The following SUPT3H variants were observed in gnomAD, a reference collection of about 807,000 sequenced individuals.
The protein encoded by SUPT3H is transcription initiation protein SPT3 homolog.
In SUPT3H, 44 loss-of-function variants were observed where a neutral mutation model predicts 44.3. That is an observed-to-expected ratio of 0.99 (90% CI 0.78 to 1.28). The LOEUF (loss-of-function observed/expected upper bound fraction) is 1.28, where lower values mean the gene tolerates loss of function less well. Ranked by LOEUF, SUPT3H falls within the 50% of genes most tolerant of loss-of-function variation. SUPT3H has a pLI of 0.00. For missense variants in SUPT3H, 380 were observed against 387.1 expected, an observed-to-expected ratio of 0.98 and a Z score of 0.15; for synonymous variants, 124 against 125.6, an observed-to-expected ratio of 0.99 and a Z score of 0.09.
intron 2 of SUPT3H, among the ~76,000 whole-genome samples, chr6:45,194,095 G>A (rs1036885454): frequency 4.7e-4 from 72 of 151,948 alleles, no homozygotes; most frequent in Non-Finnish European, 6.0e-4. Context: ...CCTTTACACG[G>A]TCTATGTGGT....
rs1767912440 is a variant in SUPT3H at position 44,827,644 on chromosome 6, A to T, written c.*2172T>A. Among the ~76,000 whole-genome samples the T allele has an allele frequency of 6.6e-6, 1 of 152,144 alleles. No individual in the cohort carries two copies. Among genetic ancestry groups the T allele is most frequent in the South Asian group, 2.1e-4 (1 of 4,834 alleles). ...TCTGTAAATTTTCTTTTGTTTCTATAGTCACTGCTGAAGGAAGTTTTATTT... is the reference window on the plus strand; with the variant it reads ...TCTGTAAATTTTCTTTTGTTTCTATTGTCACTGCTGAAGGAAGTTTTATTT... On this transcript the variant is annotated 3_prime_UTR_variant, in exon 11 of 11. Coordinates refer to ENST00000371459, the MANE Select transcript of SUPT3H (RefSeq NM_003599.4).
chr6:45,298,133 A>C (rs895489219), intron 2 of SUPT3H, among the ~76,000 whole-genome samples: 3 of 152,200 alleles, frequency 2.0e-5, no homozygotes, highest in Non-Finnish European at 4.4e-5. Context: ...TTTTATGAAG[A>C]GTTAGGACTT....
At chr6:45,155,555 G>C (rs1807680282) in intron 2 of SUPT3H, among the ~76,000 whole-genome samples, 2 of 152,090 alleles carry the variant, frequency 1.3e-5, no homozygotes, top group Admixed American at 1.3e-4. Context: ...TTAGTTTCAA[G>C]GAAGGGACTA....
intron 2 of SUPT3H, among the ~76,000 whole-genome samples, chr6:45,150,884 G>A (rs368333049): frequency 5.9e-5 from 9 of 151,898 alleles, no homozygotes; most frequent in East Asian, 5.8e-4. Flanking sequence ...CACCATGCCC[G>A]GCTAGTTTTT....
intron 2 of SUPT3H, among the ~76,000 whole-genome samples, chr6:45,188,534 G>T (rs955694166): frequency 6.6e-6 from 1 of 152,136 alleles, no homozygotes; most frequent in Non-Finnish European, 1.5e-5. Context: ...TCCACTGGGG[G>T]TCTTGGAATG....
intron 2 of SUPT3H, among the ~76,000 whole-genome samples, chr6:45,330,092 G>A (rs1196499093): frequency 1.3e-5 from 2 of 151,656 alleles, no homozygotes; most frequent in Non-Finnish European, 2.9e-5. Flanking sequence ...CTCTTACAGG[G>A]TGAGGAAATG....
At chr6:44,938,704 A>T (rs922629955) in intron 9 of SUPT3H, among the ~76,000 whole-genome samples, 1 of 152,170 alleles carries the variant, frequency 6.6e-6, no homozygotes, top group Non-Finnish European at 1.5e-5. Context: ...CTGATCCATA[A>T]GCATGGGATG....
At chr6:45,340,953 T>C (rs1430106397) in intron 2 of SUPT3H, among the ~76,000 whole-genome samples, 4 of 152,130 alleles carry the variant, frequency 2.6e-5, no homozygotes, top group Admixed American at 6.6e-5. Context: ...CCTACACATA[T>C]GCTAAGTGAT....
At chr6:45,063,777 T>C (rs1792674658) in intron 3 of SUPT3H, among the ~76,000 whole-genome samples, 1 of 141,010 alleles carries the variant, frequency 7.1e-6, no homozygotes, top group Admixed American at 7.3e-5. Flanking sequence ...TAAAAAGAAA[T>C]GAGCAAAGCC....
At chr6:45,291,591 T>A (rs1175577280) in intron 2 of SUPT3H, among the ~76,000 whole-genome samples, 1 of 152,004 alleles carries the variant, frequency 6.6e-6, no homozygotes, top group African/African-American at 2.4e-5. Context: ...GGAAACAGTA[T>A]AAATAAAAAA....
At chr6:45,183,053 A>G (rs1813563493) in intron 2 of SUPT3H, among the ~76,000 whole-genome samples, 1 of 152,230 alleles carries the variant, frequency 6.6e-6, no homozygotes, top group Non-Finnish European at 1.5e-5. Flanking sequence ...CACAATAAAT[A>G]GCCAAAAGGT....
chr6:45,180,641 G>T (rs1172004603), intron 2 of SUPT3H, among the ~76,000 whole-genome samples: 1 of 152,042 alleles, frequency 6.6e-6, no homozygotes, highest in African/African-American at 2.4e-5. Context: ...TTAATAAACG[G>T]TGCTGGGAAA....
At chr6:44,819,000 C>T (rs564684178) in intron 11 of SUPT3H, among the ~76,000 whole-genome samples, 1 of 152,270 alleles carries the variant, frequency 6.6e-6, no homozygotes, top group East Asian at 1.9e-4. Flanking sequence ...CACGTGAGTC[C>T]ACACAAAGAT....
chr6:45,007,735 C>CA (rs1491336900), intron 5 of SUPT3H, among the ~76,000 whole-genome samples: 2 of 149,524 alleles, frequency 1.3e-5, no homozygotes. Context: ...TATTCCCCCC[C>CA]ACTTTTTTTT....
chr6:45,266,430 G>A (rs1414801509), intron 2 of SUPT3H, among the ~76,000 whole-genome samples: 1 of 151,714 alleles, frequency 6.6e-6, no homozygotes, highest in African/African-American at 2.4e-5. Context: ...ATATACCATG[G>A]AAAACTCAGT....
chr6:45,336,714 G>A (rs1788631350), intron 2 of SUPT3H, among the ~76,000 whole-genome samples: 1 of 151,024 alleles, frequency 6.6e-6, no homozygotes, highest in Admixed American at 6.6e-5. Flanking sequence ...TTTTAATAAA[G>A]TATTTACTTA....
chr6:45,373,785 T>C (rs1428991004), intron 1 of SUPT3H, among the ~76,000 whole-genome samples: 2 of 152,054 alleles, frequency 1.3e-5, no homozygotes, highest in Non-Finnish European at 2.9e-5. Context: ...ACTCCTGACA[T>C]CAAGTGATCC....
At chr6:45,191,373 T>C (rs1815103590) in intron 2 of SUPT3H, among the ~76,000 whole-genome samples, 1 of 152,030 alleles carries the variant, frequency 6.6e-6, no homozygotes, top group Non-Finnish European at 1.5e-5. Context: ...CAGAACTATG[T>C]AGACAATAAA....
At chr6:45,234,419 T>C (rs1433467089) in intron 2 of SUPT3H, among the ~76,000 whole-genome samples, 1 of 150,948 alleles carries the variant, frequency 6.6e-6, no homozygotes, top group East Asian at 1.9e-4. Context: ...CAATCCCAGC[T>C]ACTCAGGAGG....
Sources: allele counts gnomAD v4.1 joint callset (sites outside exome capture counted in the v4.1 genomes callset), GRCh38; gene constraint gnomAD v4.1.1; transcripts MANE v1.5; gene names NCBI Gene and HGNC (gene_info 2026-07-23, HGNC 2026-07-21).